The following GRIP1 variants were observed in gnomAD, a reference collection of about 807,000 sequenced individuals.
GRIP1 encodes glutamate receptor-interacting protein 1.
GRIP1 carries 45 observed loss-of-function variants against 129.9 expected under a neutral mutation model. The observed-to-expected ratio is 0.35, with a 90% CI of 0.27 to 0.44. GRIP1 has a LOEUF of 0.44. Ranked by LOEUF, GRIP1 falls within the 20% of genes least tolerant of loss-of-function variation. The probability of loss-of-function intolerance (pLI) is 1.00; values close to 1 mark genes in which losing one functional copy is unlikely to be tolerated. For missense variants in GRIP1, 1,196 were observed against 1,396.8 expected (o/e 0.86, Z 2.29); for synonymous variants, 530 against 520.8 (o/e 1.02, Z -0.24).
intron 7 of GRIP1, among the ~76,000 whole-genome samples, chr12:66,483,738 T>C (rs1179959365): frequency 6.6e-6 from 1 of 152,210 alleles, no homozygotes; most frequent in African/African-American, 2.4e-5. Flanking sequence ...ATTTGATACA[T>C]TTTCATAAAC....
At chr12:66,768,039 T>A (rs549393679) in intron 1 of GRIP1, among the ~76,000 whole-genome samples, 1 of 152,162 alleles carries the variant, frequency 6.6e-6, no homozygotes, top group East Asian at 1.9e-4. Flanking sequence ...AGTAATAACA[T>A]CTATGTCCTT....
intron 2 of GRIP1, among the ~76,000 whole-genome samples, chr12:66,578,231 G>GTTTTTTT (rs1462512737): frequency 5.1e-4 from 16 of 31,508 alleles, no homozygotes; most frequent in Non-Finnish European, 6.6e-4. Context: ...GCAAAACCGC[G>GTTTTTTT]GTTTTTTTTT....
chr12:66,394,116 A>T (rs2056699718), intron 17 of GRIP1, 92 bp downstream of exon 17: 1 of 1,223,130 alleles, frequency 8.2e-7, no homozygotes, highest in African/African-American at 1.5e-5. Flanking sequence ...GCCAACAGAT[A>T]ACCACAGAGA....
At chr12:67,007,266 G>A (rs918408971) in intron 1 of GRIP1, among the ~76,000 whole-genome samples, 59 of 152,138 alleles carry the variant, frequency 3.9e-4, no homozygotes, top group Non-Finnish European at 2.9e-4. Flanking sequence ...AGAACACTCC[G>A]TACCAGTGTT....
At chr12:66,537,090 A>G (rs1304818312) in intron 4 of GRIP1, among the ~76,000 whole-genome samples, 1 of 152,148 alleles carries the variant, frequency 6.6e-6, no homozygotes, top group Non-Finnish European at 1.5e-5. Flanking sequence ...AGAAAAAAAA[A>G]TGCCTATCTT....
intron 1 of GRIP1, among the ~76,000 whole-genome samples, chr12:66,714,123 A>G (rs2035795734): frequency 6.6e-6 from 1 of 152,048 alleles, no homozygotes; most frequent in Admixed American, 6.6e-5. Context: ...ACAACTTGGT[A>G]TTCTAAACCG....
At chr12:66,903,691 AAAC>A (rs754037864) in intron 1 of GRIP1, among the ~76,000 whole-genome samples, 2 of 152,216 alleles carry the variant, frequency 1.3e-5, no homozygotes, top group Non-Finnish European at 2.9e-5. Context: ...GTTGAATGTA[AAAC>A]AACATAGACA....
At chr12:66,913,445 C>T (rs989640415) in intron 1 of GRIP1, among the ~76,000 whole-genome samples, 2 of 152,112 alleles carry the variant, frequency 1.3e-5, no homozygotes, top group African/African-American at 4.8e-5. Flanking sequence ...AAAAAAAACC[C>T]TCAGTAATGT....
At chr12:66,422,399 A>G (rs1005208658) in intron 14 of GRIP1, among the ~76,000 whole-genome samples, 9 of 152,198 alleles carry the variant, frequency 5.9e-5, no homozygotes, top group African/African-American at 1.7e-4. Context: ...GCATATAAGC[A>G]TCCAGGATTT....
intron 1 of GRIP1, among the ~76,000 whole-genome samples, chr12:66,906,655 A>G (rs1015337253): frequency 6.6e-6 from 1 of 152,132 alleles, no homozygotes; most frequent in African/African-American, 2.4e-5. Context: ...GCTAGGTAAG[A>G]CCAGAACGGG....
At chr12:66,880,407 T>C (rs2040458604) in intron 1 of GRIP1, among the ~76,000 whole-genome samples, 1 of 152,070 alleles carries the variant, frequency 6.6e-6, no homozygotes, top group African/African-American at 2.4e-5. Context: ...GAGGATGTAG[T>C]AGAGGTAAAA....
intron 1 of GRIP1, among the ~76,000 whole-genome samples, chr12:66,608,933 AATT>A (rs150512388): frequency 0.043 from 6,309 of 145,514 alleles, 144 homozygotes; most frequent in Middle Eastern, 0.054. Flanking sequence ...ACATGAAACA[AATT>A]ATTATTATTA....
intron 1 of GRIP1, among the ~76,000 whole-genome samples, chr12:66,616,693 G>A (rs907402876): frequency 1.3e-5 from 2 of 152,082 alleles, no homozygotes; most frequent in African/African-American, 2.4e-5. Flanking sequence ...CAAAAGGTGA[G>A]GGAGGGACAG....
At chr12:66,625,220 T>C (rs944276111) in intron 1 of GRIP1, among the ~76,000 whole-genome samples, 1 of 152,148 alleles carries the variant, frequency 6.6e-6, no homozygotes, top group Non-Finnish European at 1.5e-5. Context: ...ATAGCTTCAT[T>C]TTGTTCTTAA....
At chr12:66,771,573 A>C (rs1444320976) in intron 1 of GRIP1, among the ~76,000 whole-genome samples, 4 of 152,176 alleles carry the variant, frequency 2.6e-5, no homozygotes, top group Admixed American at 6.5e-5. Context: ...AGAGACTTGG[A>C]GATAATTTAC....
chr12:66,581,719 T>C (rs1428698896), intron 2 of GRIP1, among the ~76,000 whole-genome samples: 1 of 152,088 alleles, frequency 6.6e-6, no homozygotes, highest in Non-Finnish European at 1.5e-5. Flanking sequence ...AAGTTGAATC[T>C]CTGAATAGAC....
At chr12:67,067,324 A>G (rs1265070591) in intron 1 of GRIP1, among the ~76,000 whole-genome samples, 1 of 152,196 alleles carries the variant, frequency 6.6e-6, no homozygotes, top group South Asian at 2.1e-4. Context: ...GCATTCTGAT[A>G]AAACTTGTCG....
chr12:66,629,109 T>A (rs1391962582), intron 1 of GRIP1, among the ~76,000 whole-genome samples: 1 of 152,264 alleles, frequency 6.6e-6, no homozygotes, highest in Non-Finnish European at 1.5e-5. Flanking sequence ...AAAATTTAAT[T>A]CTCTGTTTTC....
intron 1 of GRIP1, among the ~76,000 whole-genome samples, chr12:66,878,805 G>T (rs1472262568): frequency 6.6e-6 from 1 of 152,046 alleles, no homozygotes. Context: ...GGAGAAAAAT[G>T]AAGAAGGGAA....
Sources: allele counts gnomAD v4.1 joint callset (sites outside exome capture counted in the v4.1 genomes callset), GRCh38; gene constraint gnomAD v4.1.1; transcripts MANE v1.5; gene names NCBI Gene and HGNC (gene_info 2026-07-23, HGNC 2026-07-21).